SDK1: variants seen among roughly 807,000 people sequenced by gnomAD.
SDK1 encodes the protein protein sidekick-1.
In SDK1, 157 loss-of-function variants were observed where a neutral mutation model predicts 245.5. The observed-to-expected ratio is 0.64, with a 90% CI of 0.56 to 0.73. The LOEUF (loss-of-function observed/expected upper bound fraction) is 0.73, where lower values mean the gene tolerates loss of function less well. Among genes scored for constraint, SDK1 ranks in the 30% least tolerant of loss-of-function variants. The pLI, the probability that SDK1 is intolerant of heterozygous loss-of-function variation, is 0.00. For synonymous variants in SDK1, 1,647 were observed against 1,278.5 expected, an observed-to-expected ratio of 1.29 and a Z score of -6.15; for missense variants, 3,583 against 3,002.3, an observed-to-expected ratio of 1.19 and a Z score of -4.52.
intron 1 of SDK1, among the ~76,000 whole-genome samples, chr7:3,363,561 G>A (rs1050344541): frequency 6.6e-6 from 1 of 152,078 alleles, no homozygotes; most frequent in Admixed American, 6.5e-5. Context: ...ACCAGGGACC[G>A]GTTTCTTCAA....
intron 4 of SDK1, among the ~76,000 whole-genome samples, chr7:3,791,113 G>C (rs963415414): frequency 6.6e-6 from 1 of 151,556 alleles, no homozygotes; most frequent in African/African-American, 2.4e-5. Context: ...AAAGCTCTTA[G>C]AACAGTGACT....
At chr7:3,453,897 C>T (rs1450772180) in intron 1 of SDK1, among the ~76,000 whole-genome samples, 5 of 152,102 alleles carry the variant, frequency 3.3e-5, no homozygotes, top group Non-Finnish European at 7.4e-5. Context: ...AGTATTATTT[C>T]CTCCCGGCAC....
At chr7:3,988,961 T>C (rs1338912799) in intron 14 of SDK1, among the ~76,000 whole-genome samples, 2 of 152,110 alleles carry the variant, frequency 1.3e-5, no homozygotes, top group African/African-American at 4.8e-5. Flanking sequence ...TAGTAGATAT[T>C]GGCCAGGCTG....
At chr7:3,356,084 G>C (rs1343157505) in intron 1 of SDK1, among the ~76,000 whole-genome samples, 1 of 152,168 alleles carries the variant, frequency 6.6e-6, no homozygotes, top group Non-Finnish European at 1.5e-5. Flanking sequence ...CAGCCTTGTA[G>C]CTTATGAATT....
intron 38 of SDK1, among the ~76,000 whole-genome samples, chr7:4,219,223 C>T (rs369071504): frequency 2.0e-4 from 31 of 152,206 alleles, no homozygotes; most frequent in African/African-American, 5.8e-4. Flanking sequence ...GCCTGTAGGC[C>T]GCAAGTTGGC....
At chr7:4,245,453 G>C (rs1786789462) in intron 43 of SDK1, among the ~76,000 whole-genome samples, 1 of 152,140 alleles carries the variant, frequency 6.6e-6, no homozygotes, top group Admixed American at 6.5e-5. Flanking sequence ...ATGCCTGCAG[G>C]CCTAGCACAG....
intron 4 of SDK1, among the ~76,000 whole-genome samples, chr7:3,763,719 G>A (rs1171618533): frequency 6.6e-6 from 1 of 152,092 alleles, no homozygotes; most frequent in Non-Finnish European, 1.5e-5. Flanking sequence ...CTTTTTAGGG[G>A]TGGTGGTAAG....
intron 1 of SDK1, among the ~76,000 whole-genome samples, chr7:3,488,883 C>G (rs1781783006): frequency 6.6e-6 from 1 of 150,756 alleles, no homozygotes; most frequent in Non-Finnish European, 1.5e-5. Context: ...GCACTTCTCT[C>G]TTTCCCTTCA....
chr7:4,139,663 A>ATG (rs746204966), intron 28 of SDK1, among the ~76,000 whole-genome samples: 5 of 74,842 alleles, frequency 6.7e-5, no homozygotes, highest in African/African-American at 1.6e-4. Context: ...GTGTGTGTAT[A>ATG]TGTGTGTGTG....
chr7:3,950,814 CTT>C, intron 5 of SDK1, 107 bp from the exon 6 acceptor site: 1 of 741,124 alleles, frequency 1.3e-6, no homozygotes, highest in East Asian at 2.7e-5. Context: ...TTGGTACTCT[CTT>C]TGGTTTTAGG....
intron 22 of SDK1, among the ~76,000 whole-genome samples, chr7:4,100,311 G>A (rs1782451190): frequency 1.3e-5 from 2 of 152,174 alleles, no homozygotes; most frequent in Admixed American, 1.3e-4. Flanking sequence ...ATGGCCTCCA[G>A]GAGAAGGGCT....
At chr7:3,408,400 T>A (rs1221608072) in intron 1 of SDK1, among the ~76,000 whole-genome samples, 1 of 152,190 alleles carries the variant, frequency 6.6e-6, no homozygotes, top group Non-Finnish European at 1.5e-5. Context: ...AAATGTTACT[T>A]TTTCTTGATG....
intron 5 of SDK1, among the ~76,000 whole-genome samples, chr7:3,928,642 G>A (rs1779862833): frequency 6.6e-6 from 1 of 151,848 alleles, no homozygotes; most frequent in African/African-American, 2.4e-5. Context: ...GGGGGGGTGG[G>A]TGGAATGCCA....
At chr7:4,187,869 T>C (rs1294440239) in intron 35 of SDK1, among the ~76,000 whole-genome samples, 4 of 152,172 alleles carry the variant, frequency 2.6e-5, no homozygotes, top group African/African-American at 9.7e-5. Context: ...GTATTGGTTT[T>C]CATGCTGCTG....
intron 1 of SDK1, among the ~76,000 whole-genome samples, chr7:3,482,421 C>A (rs1186838176): frequency 6.6e-6 from 1 of 152,042 alleles, no homozygotes; most frequent in Admixed American, 6.6e-5. Flanking sequence ...GGCAATAAAG[C>A]CCATGGTTTC....
chr7:3,498,570 A>G (rs954717729), intron 1 of SDK1, among the ~76,000 whole-genome samples: 5 of 152,148 alleles, frequency 3.3e-5, no homozygotes, highest in South Asian at 2.1e-4. Context: ...AGTAGCTACC[A>G]TTGATAGCTA....
At chr7:3,580,666 C>G (rs889918507) in intron 1 of SDK1, among the ~76,000 whole-genome samples, 2 of 151,996 alleles carry the variant, frequency 1.3e-5, no homozygotes, top group African/African-American at 4.8e-5. Context: ...AAACCCAAAA[C>G]TATAAAAACT....
In SDK1 at chr7:3,500,437, A is replaced by G. The variant is rs1014911835; in HGVS notation, c.299-118643A>G. Among the ~76,000 whole-genome samples, 11 of 152,238 alleles carry G rather than the reference A, an allele frequency of 7.2e-5. 1 individual carries two copies. The highest frequency in any genetic ancestry group is 1.6e-4 in the Non-Finnish European group (11 of 68,008). On this transcript the variant is annotated intron_variant, in intron 1 of 44. Transcript: ENST00000404826. ...ACTGGGTAGAGAATTCTTGGTGGGAAATAATTTTCCTCACTTATTTGAAAG... is the reference window on the plus strand; with the variant it reads ...ACTGGGTAGAGAATTCTTGGTGGGAGATAATTTTCCTCACTTATTTGAAAG...
At chr7:4,136,495 A>C (rs1275541472) in intron 28 of SDK1, among the ~76,000 whole-genome samples, 1 of 152,242 alleles carries the variant, frequency 6.6e-6, no homozygotes, top group Admixed American at 6.5e-5. Context: ...TTTCCAAAAG[A>C]GATTAACAGC....
Sources: allele counts gnomAD v4.1 joint callset (sites outside exome capture counted in the v4.1 genomes callset), GRCh38; gene constraint gnomAD v4.1.1; transcripts MANE v1.5; gene names NCBI Gene and HGNC (gene_info 2026-07-23, HGNC 2026-07-21).